Variants in RPS6KA2 observed in about 807,000 individuals in gnomAD.
RPS6KA2 encodes the protein ribosomal protein S6 kinase alpha-2.
Under a neutral mutation model 91.8 loss-of-function variants are expected in RPS6KA2, and 42 were observed. That is an observed-to-expected ratio of 0.46 (90% CI 0.36 to 0.59). The LOEUF (loss-of-function observed/expected upper bound fraction) is 0.59. RPS6KA2 is among the 20% of genes least tolerant of loss of function. RPS6KA2 has a pLI of 0.00. For missense variants in RPS6KA2, 798 were observed against 978.5 expected, an observed-to-expected ratio of 0.82 and a Z score of 2.46; for synonymous variants, 414 against 393.6, an observed-to-expected ratio of 1.05 and a Z score of -0.61.
At chr6:166,647,826 ATG>A (rs1312185122) in intron 2 of RPS6KA2, among the ~76,000 whole-genome samples, 8 of 132,428 alleles carry the variant, frequency 6.0e-5, no homozygotes, top group Non-Finnish European at 1.2e-4. Flanking sequence ...GCTCACACAC[ATG>A]CACATGCTCA....
intron 2 of RPS6KA2, among the ~76,000 whole-genome samples, chr6:166,744,929 T>C (rs1790944859): frequency 6.6e-6 from 1 of 152,148 alleles, no homozygotes; most frequent in Non-Finnish European, 1.5e-5. Context: ...ATGGGTGCAC[T>C]GGGCTGTATG....
Position 166,666,023 on chromosome 6 carries a change from C to A in RPS6KA2, c.124-127239G>T, listed in dbSNP as rs140013336. The stretch of plus-strand genomic sequence containing the variant: ...GAAAAGCCCACATCACCACAGGCTG[C>A]GATCTGAAGGAGCAGAGATTAGCAA... On this transcript the variant is annotated intron_variant, in intron 2 of 21. Transcript: ENST00000503859. The surrounding 1 kb of genome is among the most constrained non-coding windows in gnomAD (Gnocchi z 4.0). 2.0e-5 allele frequency among the ~76,000 whole-genome samples: 3 copies of A among 152,304 alleles called. No individual in the cohort carries two copies. The highest frequency in any genetic ancestry group is 3.4e-3 in the Middle Eastern group (1 of 294).
In RPS6KA2 at chr6:166,554,677, G is replaced by A. The variant is rs1054813255; in HGVS notation, c.100-15893C>T. On this transcript the variant is annotated intron_variant, in intron 1 of 20. Transcript: ENST00000265678. This position sits in a 1 kb window ranked among gnomAD's most constrained non-coding sequence, Gnocchi z 4.3. The stretch of plus-strand genomic sequence containing the variant: ...CTCCTCCACTGCAGCCTGAAAGCAG[G>A]GGGCAAAACCAACCTGCTGTCTGAA... Among the ~76,000 whole-genome samples the A allele has an allele frequency of 2.0e-5, 3 of 152,214 alleles. No homozygotes were observed. Among genetic ancestry groups the A allele is most frequent in the African/African-American group, 4.8e-5 (2 of 41,460 alleles).
At chr6:166,650,570 AATG>A (rs1361460643) in intron 2 of RPS6KA2, among the ~76,000 whole-genome samples, 1 of 152,228 alleles carries the variant, frequency 6.6e-6, no homozygotes, top group East Asian at 1.9e-4. Flanking sequence ...CGGGTCAGGA[AATG>A]ATGATGACTG....
At chr6:166,698,972 C>T (rs1286362562) in intron 2 of RPS6KA2, among the ~76,000 whole-genome samples, 1 of 152,040 alleles carries the variant, frequency 6.6e-6, no homozygotes, top group East Asian at 1.9e-4. Flanking sequence ...ACGAAGAGGT[C>T]AGGTGGTCAG....
chr6:166,753,766 C>T (rs2128599947), intron 2 of RPS6KA2, among the ~76,000 whole-genome samples: 1 of 152,312 alleles, frequency 6.6e-6, no homozygotes, highest in Non-Finnish European at 1.5e-5. Context: ...CATTAGCAAC[C>T]ATGAAACTGG....
intron 1 of RPS6KA2, among the ~76,000 whole-genome samples, chr6:166,614,083 T>C (rs1447213368): frequency 6.6e-6 from 1 of 152,202 alleles, no homozygotes; most frequent in Admixed American, 6.5e-5. Context: ...CCACACCCTC[T>C]AGGGGCCAAT....
chr6:166,421,615 T>C (rs1288853526), intron 17 of RPS6KA2, among the ~76,000 whole-genome samples: 1 of 152,166 alleles, frequency 6.6e-6, no homozygotes, highest in Non-Finnish European at 1.5e-5. Flanking sequence ...GCCAGGTCTC[T>C]AAAAATTCTC....
intron 2 of RPS6KA2, among the ~76,000 whole-genome samples, chr6:166,695,310 CACAACACAAACAGA>C (rs1486790071): frequency 6.6e-6 from 1 of 152,142 alleles, no homozygotes; most frequent in Non-Finnish European, 1.5e-5. Context: ...GCAAAACAAA[CACAACACAAACAGA>C]ACAACCCCCA....
intron 16 of RPS6KA2, among the ~76,000 whole-genome samples, chr6:166,429,700 A>C (rs1229842021): frequency 6.6e-6 from 1 of 152,110 alleles, no homozygotes; most frequent in East Asian, 1.9e-4. Context: ...ATCCACCTGC[A>C]TCAGCCTCCC....
Position 166,435,807 on chromosome 6 carries a change from G to A in RPS6KA2, c.1333-3317C>T, listed in dbSNP as rs1471067980. ...CACTTGCTGGTACTTGAATGTGGGT[G>A]TCTGCAGGCTCAGCTCCCGTGGAGG... On this transcript the variant is annotated intron_variant, in intron 14 of 20. Transcript: ENST00000265678. The surrounding 1 kb of genome is among the most constrained non-coding windows in gnomAD (Gnocchi z 4.3). Among the ~76,000 whole-genome samples the A allele has an allele frequency of 6.6e-6, 1 of 152,240 alleles. No homozygotes were observed. Among genetic ancestry groups the A allele is most frequent in the African/African-American group, 2.4e-5 (1 of 41,474 alleles).
chr6:166,703,730 G>A (rs1789599121), intron 2 of RPS6KA2, among the ~76,000 whole-genome samples: 1 of 152,232 alleles, frequency 6.6e-6, no homozygotes, highest in Non-Finnish European at 1.5e-5. Flanking sequence ...ATTTTGTTTA[G>A]AAGAATGCAA....
rs1368589328 is a variant in RPS6KA2 at position 166,825,788 on chromosome 6, C to T, written c.123+32412G>A. ...TCCACCCTCATGAACCCATCATCTC[C>T]CGAGGCCCCACCTCCCAATACCATC... is the stretch of plus-strand genomic sequence containing the variant. On this transcript the variant is annotated intron_variant, in intron 2 of 21. Transcript: ENST00000503859. This position sits in a 1 kb window ranked among gnomAD's most constrained non-coding sequence, Gnocchi z 4.1. Among the ~76,000 whole-genome samples, 1 of 152,128 alleles carries T rather than the reference C, an allele frequency of 6.6e-6. No homozygotes were observed.
chr6:166,672,046 A>C (rs1788487315), intron 2 of RPS6KA2, among the ~76,000 whole-genome samples: 1 of 152,224 alleles, frequency 6.6e-6, no homozygotes, highest in African/African-American at 2.4e-5. Context: ...GCACGACCTC[A>C]GCATTTCCTG....
chr6:166,444,569 G>GTT (rs1433831690), intron 14 of RPS6KA2, among the ~76,000 whole-genome samples: 1 of 152,260 alleles, frequency 6.6e-6, no homozygotes. Flanking sequence ...AACCATCAGA[G>GTT]CACTGGCTGG....
Position 166,701,404 on chromosome 6 carries a change from T to C in RPS6KA2, c.123+156796A>G, listed in dbSNP as rs1384508820. The C allele has an allele frequency of 6.1e-6, 8 of 1,305,076 alleles. No homozygotes were observed. In the Admixed American group the frequency reaches 6.7e-5, roughly 11 times the overall value. The allele number at this position is 1,305,076 out of a possible 1,614,324, so 80.8% of individuals were successfully genotyped here. A position where few individuals can be genotyped will look rare whatever the true frequency, so the allele number is the denominator to read the frequency against. On this transcript the variant is annotated intron_variant, in intron 2 of 21. Transcript: ENST00000503859. ...CTTCTTTAGGACTAACGAAGTTTTC[T>C]TCTTTCATTTTTCCATAATTCTTCC... is the stretch of plus-strand genomic sequence containing the variant.
chr6:166,819,398 C>T (rs1227940239), intron 2 of RPS6KA2, among the ~76,000 whole-genome samples: 1 of 152,124 alleles, frequency 6.6e-6, no homozygotes, highest in Non-Finnish European at 1.5e-5. Context: ...AGACATGTCC[C>T]TCTGCAACCC....
chr6:166,614,299 G>A (rs760418312), intron 1 of RPS6KA2, among the ~76,000 whole-genome samples: 24 of 152,220 alleles, frequency 1.6e-4, no homozygotes, highest in Non-Finnish European at 2.9e-4. Flanking sequence ...ATCTGGCTCT[G>A]GAATGCCATG....
chr6:166,570,697 G>A (rs1784661747), intron 1 of RPS6KA2, among the ~76,000 whole-genome samples: 2 of 152,246 alleles, frequency 1.3e-5, no homozygotes, highest in Admixed American at 6.5e-5. Flanking sequence ...AAATTAGCAT[G>A]ACAGTGAGTG....
Sources: allele counts gnomAD v4.1 joint callset (sites outside exome capture counted in the v4.1 genomes callset), GRCh38; gene constraint gnomAD v4.1.1; non-coding constraint Gnocchi (gnomAD v3.1); transcripts MANE v1.5; gene names NCBI Gene and HGNC (gene_info 2026-07-23, HGNC 2026-07-21).